Variants in RBFOX1 observed in about 807,000 individuals in gnomAD.
The protein encoded by RBFOX1 is RNA binding fox-1 homolog 1.
In RBFOX1, 8 loss-of-function variants were observed where a neutral mutation model predicts 57.7. The ratio of observed to expected loss-of-function variants is 0.14; its 90% CI spans 0.08 to 0.25. The LOEUF (loss-of-function observed/expected upper bound fraction) is 0.25. Ranked by LOEUF, RBFOX1 falls within the 10% of genes least tolerant of loss-of-function variation. RBFOX1 has a pLI of 1.00. For missense variants in RBFOX1, 611 were observed against 548.5 expected (o/e 1.11, Z -1.14); for synonymous variants, 326 against 222.4 (o/e 1.47, Z -4.15).
intron 4 of RBFOX1, among the ~76,000 whole-genome samples, chr16:7,092,753 G>A (rs2061070689): frequency 6.6e-6 from 1 of 152,250 alleles, no homozygotes; most frequent in African/African-American, 2.4e-5. Flanking sequence ...GAAAACAGAG[G>A]ATTGCTTGTT....
intron 3 of RBFOX1, among the ~76,000 whole-genome samples, chr16:7,029,255 C>T (rs1237975085): frequency 1.0e-5 from 1 of 95,970 alleles, no homozygotes; most frequent in Non-Finnish European, 1.8e-5. Context: ...TATATATACA[C>T]ACATATATAT....
intron 4 of RBFOX1, among the ~76,000 whole-genome samples, chr16:5,979,819 A>G (rs1412108409): frequency 6.6e-6 from 1 of 152,046 alleles, no homozygotes; most frequent in African/African-American, 2.4e-5. Flanking sequence ...CCGAGATCGT[A>G]CCACTGCGCT....
chr16:7,105,492 C>T (rs1413726199), intron 4 of RBFOX1, among the ~76,000 whole-genome samples: 1 of 152,072 alleles, frequency 6.6e-6, no homozygotes, highest in African/African-American at 2.4e-5. Context: ...CCACCCTTTC[C>T]CCTGAGTCCA....
At chr16:5,610,714 TA>T (rs1384462720) in intron 3 of RBFOX1, 1 of 151,768 alleles carries the variant, frequency 6.6e-6, no homozygotes, top group Non-Finnish European at 1.5e-5. Context: ...ATTTTAAAAT[TA>T]AAAATTTAAT....
At chr16:5,771,130 C>T (rs551687095) in intron 3 of RBFOX1, among the ~76,000 whole-genome samples, 15 of 152,314 alleles carry the variant, frequency 9.8e-5, no homozygotes, top group South Asian at 4.1e-4. Context: ...GAAAGCAAAG[C>T]GTGTTCACTA....
At chr16:7,568,785 G>T (rs536471165) in intron 5 of RBFOX1, among the ~76,000 whole-genome samples, 1 of 149,334 alleles carries the variant, frequency 6.7e-6, no homozygotes, top group South Asian at 2.1e-4. Context: ...TACTTGGGAG[G>T]CTGAGGCAGG....
intron 1 of RBFOX1, among the ~76,000 whole-genome samples, chr16:6,126,847 C>G (rs1202814915): frequency 6.6e-6 from 1 of 152,110 alleles, no homozygotes; most frequent in African/African-American, 2.4e-5. Flanking sequence ...ATGGTCCTGC[C>G]TTCATGAGGC....
chr16:7,307,955 C>T (rs2096230575), intron 4 of RBFOX1, among the ~76,000 whole-genome samples: 1 of 152,170 alleles, frequency 6.6e-6, no homozygotes, highest in Non-Finnish European at 1.5e-5. Flanking sequence ...CTCACATATC[C>T]CCAATACTTA....
intron 4 of RBFOX1, among the ~76,000 whole-genome samples, chr16:7,468,517 T>G (rs2060949227): frequency 6.6e-6 from 1 of 151,712 alleles, no homozygotes; most frequent in African/African-American, 2.4e-5. Context: ...TTTCCTTCCT[T>G]CTATTTCTCT....
At chr16:5,329,540 A>G (rs578218465) in intron 1 of RBFOX1, among the ~76,000 whole-genome samples, 1 of 152,386 alleles carries the variant, frequency 6.6e-6, no homozygotes, top group African/African-American at 2.4e-5. Context: ...GGGTGGGGAC[A>G]CAGACCCGAA....
At chr16:6,842,814 C>T (rs574794369) in intron 3 of RBFOX1, among the ~76,000 whole-genome samples, 1 of 152,006 alleles carries the variant, frequency 6.6e-6, no homozygotes, top group Admixed American at 6.5e-5. Flanking sequence ...AATGCTCTCC[C>T]TCCATGTTCC....
intron 4 of RBFOX1, among the ~76,000 whole-genome samples, chr16:7,085,087 G>T (rs764959559): frequency 2.1e-5 from 3 of 144,794 alleles, no homozygotes; most frequent in African/African-American, 5.8e-5. Flanking sequence ...TATGAACGCC[G>T]TATCTAAAGT....
chr16:7,325,408 A>G (rs569962456), intron 4 of RBFOX1, among the ~76,000 whole-genome samples: 4 of 152,214 alleles, frequency 2.6e-5, no homozygotes, highest in Non-Finnish European at 4.4e-5. Flanking sequence ...CTACTATACT[A>G]TGGTGCTTGC....
intron 2 of RBFOX1, among the ~76,000 whole-genome samples, chr16:6,497,753 C>G (rs1157903570): frequency 6.6e-6 from 1 of 151,836 alleles, no homozygotes; most frequent in South Asian, 2.1e-4. Context: ...GACAGGGTTT[C>G]ACCATATTAG....
At chr16:6,459,289 T>G (rs1329878190) in intron 2 of RBFOX1, among the ~76,000 whole-genome samples, 4 of 152,150 alleles carry the variant, frequency 2.6e-5, no homozygotes, top group Non-Finnish European at 5.9e-5. Flanking sequence ...TGAGCCGAGA[T>G]GGCGCCACTG....
At chr16:6,320,026 C>A (rs1567929229) in intron 2 of RBFOX1, among the ~76,000 whole-genome samples, 1 of 151,844 alleles carries the variant, frequency 6.6e-6, no homozygotes, top group Non-Finnish European at 1.5e-5. Flanking sequence ...TATTATTGAC[C>A]AATAAGAATT....
At chr16:6,483,519 T>C (rs2095408701) in intron 2 of RBFOX1, 9 of 1,535,562 alleles carry the variant, frequency 5.9e-6, no homozygotes, top group East Asian at 2.4e-5. Context: ...TGGCAGCTAA[T>C]TGCAGTCGTG....
At chr16:6,910,735 C>T (rs746438771) in intron 3 of RBFOX1, among the ~76,000 whole-genome samples, 10 of 152,276 alleles carry the variant, frequency 6.6e-5, no homozygotes, top group Middle Eastern at 3.4e-3. Context: ...CCTAAAGTAG[C>T]GGAGAGGAGG....
intron 3 of RBFOX1, among the ~76,000 whole-genome samples, chr16:5,864,771 C>T (rs2057306825): frequency 6.6e-6 from 1 of 152,042 alleles, no homozygotes; most frequent in African/African-American, 2.4e-5. Context: ...TTTTGTTTGG[C>T]TAGAACCGTG....
Sources: allele counts gnomAD v4.1 joint callset (sites outside exome capture counted in the v4.1 genomes callset), GRCh38; gene constraint gnomAD v4.1.1; transcripts MANE v1.5; gene names NCBI Gene and HGNC (gene_info 2026-07-23, HGNC 2026-07-21).